TMEM117: variants seen among roughly 807,000 people sequenced by gnomAD.
TMEM117 encodes transmembrane protein 117.
Under a neutral mutation model 52.4 loss-of-function variants are expected in TMEM117, and 27 were observed. The ratio of observed to expected loss-of-function variants is 0.51; its 90% CI spans 0.38 to 0.71. TMEM117 has a LOEUF of 0.71. TMEM117 is among the 30% of genes least tolerant of loss of function. The pLI, the probability that TMEM117 is intolerant of heterozygous loss-of-function variation, is 0.00. For missense variants in TMEM117, 556 were observed against 630.5 expected, an observed-to-expected ratio of 0.88 and a Z score of 1.26; for synonymous variants, 215 against 206.3, an observed-to-expected ratio of 1.04 and a Z score of -0.36.
At chr12:44,055,285 T>C (rs1007528100) in intron 3 of TMEM117, among the ~76,000 whole-genome samples, 15 of 152,200 alleles carry the variant, frequency 9.9e-5, no homozygotes, top group Admixed American at 7.2e-4. Flanking sequence ...TGTACATCTG[T>C]ACTGATTATT....
chr12:44,240,186 C>T lies in TMEM117; in HGVS notation c.608+28799C>T, dbSNP rs115883021. 8.1e-3 allele frequency among the ~76,000 whole-genome samples: 1,232 copies of T among 152,208 alleles called. 22 individuals carry two copies. The highest frequency in any genetic ancestry group is 0.028 in the African/African-American group (1,147 of 41,542). ...TTCTGCTGCATGATTTATAGATTCCCAACCTCCTTATATTTTGCTGCACTG... is the reference window on the plus strand; with the variant it reads ...TTCTGCTGCATGATTTATAGATTCCTAACCTCCTTATATTTTGCTGCACTG... On this transcript the variant is annotated intron_variant, in intron 5 of 7. Coordinates refer to ENST00000266534, the MANE Select transcript of TMEM117 (RefSeq NM_032256.3).
At chr12:43,804,174 A>G in the TMEM117 span, 1 of 404,836 alleles carries the variant, frequency 2.5e-6, no homozygotes, top group South Asian at 1.9e-5. Flanking sequence ...TTTGATAATC[A>G]CCTGTTTAGT....
chr12:44,219,678 A>G (rs1409523000), intron 5 of TMEM117, among the ~76,000 whole-genome samples: 1 of 152,172 alleles, frequency 6.6e-6, no homozygotes, highest in Admixed American at 6.6e-5. Flanking sequence ...AATGTTGGCT[A>G]TATTAAGCAC....
At chr12:44,111,742 G>A (rs1948059765) in intron 3 of TMEM117, among the ~76,000 whole-genome samples, 2 of 142,788 alleles carry the variant, frequency 1.4e-5, no homozygotes, top group Non-Finnish European at 3.0e-5. Context: ...GCAGAGCTGA[G>A]TTCAATTCCT....
rs761938528 is a variant in TMEM117, at chr12:43,942,630, T to C, written c.278-1580T>C. Among the ~76,000 whole-genome samples, 7 of 152,266 alleles carry C rather than the reference T, an allele frequency of 4.6e-5. No homozygotes were observed. The South Asian group carries it at 8.3e-4, about 18-fold the overall frequency. On this transcript the variant is annotated intron_variant, in intron 2 of 7. Coordinates refer to ENST00000266534, the MANE Select transcript of TMEM117 (RefSeq NM_032256.3). ...AATCTCCTCCCCGCTCTTTTTTTTT[T>C]ACTCTTCATCTCAAGTTTTAGCTAG...
intron 4 of TMEM117, among the ~76,000 whole-genome samples, chr12:44,165,183 A>G (rs1948949562): frequency 6.6e-6 from 1 of 152,176 alleles, no homozygotes; most frequent in Non-Finnish European, 1.5e-5. Flanking sequence ...ATATGGTGTG[A>G]ACACACAAAA....
At chr12:44,321,156 C>T (rs1951124329) in intron 6 of TMEM117, among the ~76,000 whole-genome samples, 1 of 152,184 alleles carries the variant, frequency 6.6e-6, no homozygotes, top group Admixed American at 6.5e-5. Flanking sequence ...AGCCTGTTGA[C>T]ATTAGACAAT....
intron 3 of TMEM117, among the ~76,000 whole-genome samples, chr12:44,041,360 G>T (rs1410564634): frequency 6.7e-6 from 1 of 150,242 alleles, no homozygotes; most frequent in Non-Finnish European, 1.5e-5. Flanking sequence ...TAGCAGATCA[G>T]CTATAAAGCA....
chr12:44,124,109 T>C (rs1224776196), intron 3 of TMEM117, among the ~76,000 whole-genome samples: 1 of 152,178 alleles, frequency 6.6e-6, no homozygotes, highest in Non-Finnish European at 1.5e-5. Flanking sequence ...TCTGTGAAGA[T>C]GTTCTTCACT....
chr12:44,082,775 A>G (rs1947502996), intron 3 of TMEM117, among the ~76,000 whole-genome samples: 1 of 152,096 alleles, frequency 6.6e-6, no homozygotes. Context: ...AATCAGAACA[A>G]TACTAGTAGC....
chr12:44,246,419 CTGTT>C (rs1950130245), intron 5 of TMEM117, among the ~76,000 whole-genome samples: 1 of 152,092 alleles, frequency 6.6e-6, no homozygotes, highest in Non-Finnish European at 1.5e-5. Flanking sequence ...TTAAAGAAGA[CTGTT>C]TGCTTTTGCC....
intron 4 of TMEM117, among the ~76,000 whole-genome samples, chr12:44,144,022 G>A (rs905517922): frequency 1.3e-5 from 2 of 152,146 alleles, no homozygotes; most frequent in African/African-American, 2.4e-5. Flanking sequence ...TTCAGGTAAG[G>A]AATGTGGTCT....
chr12:43,952,080 A>G (rs759934173), intron 3 of TMEM117, among the ~76,000 whole-genome samples: 2 of 152,210 alleles, frequency 1.3e-5, no homozygotes, highest in African/African-American at 2.4e-5. Flanking sequence ...AACAGAAAGC[A>G]ACAATAACAA....
chr12:43,814,277 G>A, the TMEM117 span, among the ~76,000 whole-genome samples: 5 of 152,124 alleles, frequency 3.3e-5, no homozygotes, highest in Non-Finnish European at 5.9e-5. Context: ...GTCAAAGGGA[G>A]AAAGAAGGGA....
intron 5 of TMEM117, among the ~76,000 whole-genome samples, chr12:44,225,958 G>A (rs60461380): frequency 0.11 from 16,135 of 152,156 alleles, 943 homozygotes; most frequent in Middle Eastern, 0.2. Context: ...TACAATCACT[G>A]TTGTATGAGG....
chr12:43,972,959 C>T (rs967421717), intron 3 of TMEM117, among the ~76,000 whole-genome samples: 2 of 152,102 alleles, frequency 1.3e-5, no homozygotes, highest in Non-Finnish European at 2.9e-5. Context: ...AGTTAAGTAT[C>T]CCTCCTTAAC....
intron 6 of TMEM117, among the ~76,000 whole-genome samples, chr12:44,360,857 G>A (rs1951712021): frequency 6.6e-6 from 1 of 152,052 alleles, no homozygotes; most frequent in South Asian, 2.1e-4. Context: ...CTATTGTATG[G>A]TTTTAAGTAA....
intron 6 of TMEM117, among the ~76,000 whole-genome samples, chr12:44,346,449 C>A (rs1180213467): frequency 6.6e-6 from 1 of 152,104 alleles, no homozygotes; most frequent in Non-Finnish European, 1.5e-5. Flanking sequence ...AGGAAACATG[C>A]AGCACACACA....
At chr12:44,247,887 C>G (rs766977588) in intron 5 of TMEM117, among the ~76,000 whole-genome samples, 75 of 152,142 alleles carry the variant, frequency 4.9e-4, no homozygotes, top group Non-Finnish European at 8.2e-4. Flanking sequence ...GCAGAATGCT[C>G]TCTCTCCCAC....
Sources: gnomAD v4.1 joint callset for allele counts (sites outside exome capture counted in the v4.1 genomes callset) on GRCh38, gnomAD v4.1.1 for gene constraint, MANE v1.5 for transcripts, NCBI Gene and HGNC (gene_info 2026-07-23, HGNC 2026-07-21) for gene names.